Variants in PLA2G4E observed in about 807,000 individuals in gnomAD.
The protein encoded by PLA2G4E is phospholipase A2 group IVE, also known as cytosolic phospholipase A2 epsilon.
PLA2G4E carries 84 observed loss-of-function variants against 109.1 expected under a neutral mutation model. That is an observed-to-expected ratio of 0.77 (90% CI 0.65 to 0.92). The LOEUF (loss-of-function observed/expected upper bound fraction) is 0.92. Among genes scored for constraint, PLA2G4E ranks in the 40% least tolerant of loss-of-function variants. The pLI is 0.00. For missense variants in PLA2G4E, 1,057 were observed against 1,076.6 expected, an observed-to-expected ratio of 0.98 and a Z score of 0.25; for synonymous variants, 469 against 436.1, an observed-to-expected ratio of 1.08 and a Z score of -0.94.
intron 4 of PLA2G4E, 78 bp from the exon 5 acceptor site, chr15:42,005,056 G>A (rs2068461513): frequency 1.3e-6 from 2 of 1,551,944 alleles, no homozygotes; most frequent in Non-Finnish European, 8.8e-7. Flanking sequence ...GCCACCCTGG[G>A]AGCCGCTGTG....
At chr15:42,029,964 G>A (rs933840562) in intron 1 of PLA2G4E, among the ~76,000 whole-genome samples, 9 of 152,192 alleles carry the variant, frequency 5.9e-5, no homozygotes, top group African/African-American at 2.2e-4. Context: ...GAGAAGAGAG[G>A]TAAAAATAAG....
intron 6 of PLA2G4E, 69 bp from the exon 7 acceptor site, chr15:42,001,289 G>A: frequency 7.2e-7 from 1 of 1,383,504 alleles, no homozygotes; most frequent in Non-Finnish European, 1.0e-6. Context: ...CCAGGCTGAA[G>A]GGAGATGAGG....
intron 7 of PLA2G4E, among the ~76,000 whole-genome samples, chr15:42,000,498 C>A (rs1484598099): frequency 6.6e-6 from 1 of 152,186 alleles, no homozygotes; most frequent in African/African-American, 2.4e-5. Flanking sequence ...CAAACATAGT[C>A]CCCAGAAAAC....
intron 1 of PLA2G4E, among the ~76,000 whole-genome samples, chr15:42,020,285 C>T (rs904260496): frequency 2.0e-5 from 3 of 152,240 alleles, no homozygotes. Context: ...GAGGAACCAA[C>T]TAATGATTCT....
intron 13 of PLA2G4E, among the ~76,000 whole-genome samples, chr15:41,990,741 C>CCTT (rs1566836142): frequency 2.4e-5 from 1 of 40,982 alleles, no homozygotes; most frequent in African/African-American, 8.1e-5. Context: ...CTCCTCTTCC[C>CCTT]TTCTTTTTTT....
intron 1 of PLA2G4E, among the ~76,000 whole-genome samples, chr15:42,016,917 A>G (rs1019625329): frequency 7.2e-5 from 11 of 152,240 alleles, no homozygotes; most frequent in Non-Finnish European, 1.5e-4. Flanking sequence ...TGCTGGAGAC[A>G]CAGCTGTGGC....
chr15:41,989,446 C>A, exon 15 of PLA2G4E: 1 of 1,614,024 alleles, frequency 6.2e-7, no homozygotes, highest in Non-Finnish European at 8.5e-7. Flanking sequence ...ACTCCGGGAT[C>A]CTCTTCACCA....
At chr15:42,020,203 T>C (rs1051874153) in intron 1 of PLA2G4E, among the ~76,000 whole-genome samples, 5 of 152,244 alleles carry the variant, frequency 3.3e-5, no homozygotes, top group African/African-American at 1.2e-4. Context: ...GCATCACCCA[T>C]GTCATTCAAT....
At chr15:41,989,270 C>T (rs1050250650) in intron 15 of PLA2G4E, 145 bp downstream of exon 15, 6 of 1,168,786 alleles carry the variant, frequency 5.1e-6, no homozygotes. Flanking sequence ...CCCAGACCAA[C>T]TCTGGTCCCC....
chr15:41,984,587 C>T, exon 19 of PLA2G4E: 1 of 1,613,534 alleles, frequency 6.2e-7, no homozygotes, highest in African/African-American at 1.3e-5. Context: ...GGATGTTCTG[C>T]ACAGTGCAGT....
At chr15:41,990,319 C>T (rs1010266962) in intron 13 of PLA2G4E, 84 bp from the exon 14 acceptor site, 82 of 1,214,520 alleles carry the variant, frequency 6.8e-5, no homozygotes, top group Non-Finnish European at 5.9e-6. Flanking sequence ...AATCTGGACC[C>T]CCGCAGCCAC....
intron 6 of PLA2G4E, among the ~76,000 whole-genome samples, chr15:42,002,426 G>C (rs560674071): frequency 1.3e-5 from 2 of 152,150 alleles, no homozygotes; most frequent in South Asian, 2.1e-4. Context: ...TGAAGTGCTC[G>C]GCCAGGGTGA....
At chr15:42,045,381 G>A (rs953840067) in intron 1 of PLA2G4E, among the ~76,000 whole-genome samples, 6 of 152,284 alleles carry the variant, frequency 3.9e-5, no homozygotes, top group African/African-American at 1.2e-4. Flanking sequence ...TGGAGTGGGC[G>A]GAGGCCTCTG....
chr15:42,049,406 G>A (rs948770685), intron 1 of PLA2G4E, among the ~76,000 whole-genome samples: 1 of 152,092 alleles, frequency 6.6e-6, no homozygotes, highest in Non-Finnish European at 1.5e-5. Context: ...CCCTCCTAAG[G>A]GTCCCACGTC....
intron 18 of PLA2G4E, among the ~76,000 whole-genome samples, chr15:41,985,629 A>G (rs902615420): frequency 1.3e-5 from 2 of 152,278 alleles, no homozygotes; most frequent in African/African-American, 4.8e-5. Flanking sequence ...CTAAGTCAAC[A>G]TGGGCACCAT....
intron 1 of PLA2G4E, among the ~76,000 whole-genome samples, chr15:42,049,599 C>T (rs1889473234): frequency 6.6e-6 from 1 of 152,168 alleles, no homozygotes; most frequent in South Asian, 2.1e-4. Flanking sequence ...GACAAGGTGA[C>T]TCCGTGGTTG....
intron 10 of PLA2G4E, chr15:41,997,480 A>T (rs897318538): frequency 1.3e-5 from 5 of 399,668 alleles, no homozygotes; most frequent in African/African-American, 1.0e-4. Context: ...AAAGCCCCCA[A>T]AGCCTTAGCT....
intron 1 of PLA2G4E, among the ~76,000 whole-genome samples, chr15:42,038,835 A>G (rs1413270279): frequency 6.6e-6 from 1 of 152,146 alleles, no homozygotes; most frequent in Admixed American, 6.5e-5. Flanking sequence ...ATTATCACCA[A>G]TTTTACTAGA....
chr15:42,002,581 C>T, intron 6 of PLA2G4E, 73 bp downstream of exon 6: 1 of 1,469,040 alleles, frequency 6.8e-7, no homozygotes, highest in Non-Finnish European at 9.3e-7. Flanking sequence ...TGTTTTCTCC[C>T]TTGGTCCTGT....
Sources: allele counts gnomAD v4.1 joint callset (sites outside exome capture counted in the v4.1 genomes callset), GRCh38; gene constraint gnomAD v4.1.1; transcripts MANE v1.5; gene names NCBI Gene and HGNC (gene_info 2026-07-23, HGNC 2026-07-21).